Variants in STRN3 observed in about 807,000 individuals in gnomAD.
STRN3 encodes the protein striatin-3.
STRN3 carries 29 observed loss-of-function variants against 95.6 expected under a neutral mutation model. The observed-to-expected ratio is 0.30, with a 90% confidence interval of 0.23 to 0.41. The LOEUF (loss-of-function observed/expected upper bound fraction) is 0.41, where lower values mean the gene tolerates loss of function less well. Ranked by LOEUF, STRN3 falls within the 10% of genes least tolerant of loss-of-function variation. STRN3 has a pLI of 1.00. For synonymous variants in STRN3, 331 were observed against 357.6 expected (o/e 0.93, Z 0.84); for missense variants, 890 against 972.1 (o/e 0.92, Z 1.12).
intron 8 of STRN3, among the ~76,000 whole-genome samples, chr14:30,927,663 C>T (rs372561600): frequency 1.3e-5 from 2 of 150,892 alleles, no homozygotes; most frequent in Non-Finnish European, 2.9e-5. Flanking sequence ...TAGTGGCTCA[C>T]GCCTGTAATC....
chr14:30,910,788 TAAC>T (rs1441693242), intron 13 of STRN3, among the ~76,000 whole-genome samples: 1 of 152,140 alleles, frequency 6.6e-6, no homozygotes, highest in African/African-American at 2.4e-5. Context: ...CTTCTTTTTG[TAAC>T]TACTACCTAA....
chr14:30,959,259 AG>A (rs1880069712), intron 1 of STRN3, among the ~76,000 whole-genome samples: 1 of 152,142 alleles, frequency 6.6e-6, no homozygotes, highest in Non-Finnish European at 1.5e-5. Context: ...GGAGGGGTCG[AG>A]GCTGCAGTGA....
chr14:30,930,437 A>G lies in STRN3; in HGVS notation c.989-1126T>C, dbSNP rs117383302. Among the ~76,000 whole-genome samples, 277 of 152,270 alleles carry G rather than the reference A, an allele frequency of 1.8e-3. 5 individuals carry two copies. In the East Asian group the frequency reaches 0.032, roughly 17 times the overall value. ...TAGATTGCTATATGCACCAAACTTAAGAAATTCTCATATTTGAATGGCACA... is the reference window on the plus strand; with the variant it reads ...TAGATTGCTATATGCACCAAACTTAGGAAATTCTCATATTTGAATGGCACA... On this transcript the variant is annotated intron_variant, in intron 7 of 17. Transcript: ENST00000357479.
chr14:30,944,506 G>GTATATATACATAA (rs1879249017), intron 5 of STRN3, among the ~76,000 whole-genome samples: 1 of 140,242 alleles, frequency 7.1e-6, no homozygotes, highest in Non-Finnish European at 1.5e-5. Context: ...ATATATACAT[G>GTATATATACATAA]TATATATACA....
At chr14:30,899,699 A>G (rs992761864) in intron 16 of STRN3, among the ~76,000 whole-genome samples, 1 of 151,956 alleles carries the variant, frequency 6.6e-6, no homozygotes, top group Non-Finnish European at 1.5e-5. Context: ...AACCAACCCC[A>G]AACACCTTTC....
At chr14:31,011,616 C>G (rs1458655235) in intron 1 of STRN3, among the ~76,000 whole-genome samples, 1 of 151,772 alleles carries the variant, frequency 6.6e-6, no homozygotes, top group Non-Finnish European at 1.5e-5. Context: ...GCACTCCAGC[C>G]TGGGCGACAG....
At chr14:30,897,634 A>G (rs1199827689) in intron 16 of STRN3, among the ~76,000 whole-genome samples, 1 of 152,218 alleles carries the variant, frequency 6.6e-6, no homozygotes, top group Non-Finnish European at 1.5e-5. Flanking sequence ...AACACTTATC[A>G]GTTGAAGACA....
intron 1 of STRN3, among the ~76,000 whole-genome samples, chr14:30,972,664 T>C (rs1594520478): frequency 2.0e-5 from 3 of 150,580 alleles, no homozygotes; most frequent in African/African-American, 7.3e-5. Flanking sequence ...AAAAATTAGC[T>C]GGGTATGGTG....
chr14:30,969,948 A>AGGGG (rs1880741536), intron 1 of STRN3, among the ~76,000 whole-genome samples: 1 of 152,148 alleles, frequency 6.6e-6, no homozygotes, highest in African/African-American at 2.4e-5. Context: ...CTGTTCGTAC[A>AGGGG]GCGAAAAAGG....
chr14:31,003,625 T>C lies in STRN3; in HGVS notation c.282+22279A>G, dbSNP rs146317278. On this transcript the variant is annotated intron_variant, in intron 1 of 17. Coordinates refer to ENST00000357479, the MANE Select transcript of STRN3 (RefSeq NM_001083893.2). ...CACTGCTTTCTTTTGCCTTCAGCCATGAGTGGAAGCAGACTGAAGCCCTCA... is the reference window on the plus strand; with the variant it reads ...CACTGCTTTCTTTTGCCTTCAGCCACGAGTGGAAGCAGACTGAAGCCCTCA... Among the ~76,000 whole-genome samples the C allele has an allele frequency of 1.8e-4, 28 of 152,214 alleles. 1 individual carries two copies. Among genetic ancestry groups the C allele is most frequent in the Admixed American group, 5.9e-4 (9 of 15,280 alleles).
chr14:30,918,692 G>A (rs927465546), intron 9 of STRN3, among the ~76,000 whole-genome samples: 2 of 152,146 alleles, frequency 1.3e-5, no homozygotes, highest in East Asian at 3.9e-4. Flanking sequence ...TACTGGATCT[G>A]TAGCTAAAAT....
intron 1 of STRN3, chr14:31,018,501 G>C (rs1359804551): frequency 4.7e-6 from 2 of 428,350 alleles, no homozygotes; most frequent in Non-Finnish European, 9.3e-6. Flanking sequence ...AGCTTCTCTA[G>C]GGAACTTGGA....
chr14:30,965,556 A>G (rs1880444729), intron 1 of STRN3, among the ~76,000 whole-genome samples: 1 of 152,126 alleles, frequency 6.6e-6, no homozygotes, highest in African/African-American at 2.4e-5. Flanking sequence ...GCGATGGCTC[A>G]CGCCTGTAAT....
intron 5 of STRN3, 82 bp downstream of exon 5, chr14:30,947,008 G>T: frequency 2.0e-6 from 2 of 1,002,446 alleles, no homozygotes; most frequent in Non-Finnish European, 2.7e-6. Flanking sequence ...GTTCTTAATG[G>T]CAGTAACAAG....
At chr14:30,949,675 C>G (rs889070620) in intron 4 of STRN3, among the ~76,000 whole-genome samples, 2 of 106,256 alleles carry the variant, frequency 1.9e-5, no homozygotes, top group Admixed American at 1.9e-4. Flanking sequence ...TAGACATAGA[C>G]TCCGTTTCCA....
chr14:30,911,759 C>A lies in STRN3; in HGVS notation c.1598+18G>T. 2.5e-6 allele frequency: 4 copies of A among 1,589,762 alleles called. No individual in the cohort carries two copies. Among genetic ancestry groups the A allele is most frequent in the South Asian group, 1.2e-5 (1 of 86,386 alleles). On this transcript the variant is annotated intron_variant, in intron 12 of 17. Coordinates refer to ENST00000357479, the MANE Select transcript of STRN3 (RefSeq NM_001083893.2). ...AATAATGATGATGTTAATTAAATAC[C>A]AATTCAGTAAAACTTACATGTGGGC...
intron 15 of STRN3, among the ~76,000 whole-genome samples, chr14:30,904,270 C>A (rs1310871643): frequency 6.6e-6 from 1 of 152,160 alleles, no homozygotes; most frequent in Non-Finnish European, 1.5e-5. Flanking sequence ...AAAGTCATGG[C>A]AAAAGGACTC....
chr14:30,930,560 G>A (rs969382495), intron 7 of STRN3, among the ~76,000 whole-genome samples: 1 of 152,082 alleles, frequency 6.6e-6, no homozygotes, highest in Non-Finnish European at 1.5e-5. Flanking sequence ...GTCAGTATGT[G>A]AAAAGCTAAA....
At chr14:30,940,285 C>T (rs982657424) in intron 5 of STRN3, among the ~76,000 whole-genome samples, 1 of 152,012 alleles carries the variant, frequency 6.6e-6, no homozygotes, top group Non-Finnish European at 1.5e-5. Flanking sequence ...TTCTTGGATC[C>T]TACACTTTCT....
Sources: gnomAD v4.1 joint callset for allele counts (sites outside exome capture counted in the v4.1 genomes callset) on GRCh38, gnomAD v4.1.1 for gene constraint, MANE v1.5 for transcripts, NCBI Gene and HGNC (gene_info 2026-07-23, HGNC 2026-07-21) for gene names.